Variants in ELP4 observed in about 807,000 individuals in gnomAD.
ELP4 encodes the protein elongator complex protein 4.
Under a neutral mutation model 48.9 loss-of-function variants are expected in ELP4, and 51 were observed. That is an observed-to-expected ratio of 1.04 (90% CI 0.83 to 1.32). The LOEUF is 1.32. Among genes scored for constraint, ELP4 ranks in the 40% most tolerant of loss-of-function variants. The pLI, the probability that ELP4 is intolerant of heterozygous loss-of-function variation, is 0.00. For missense variants in ELP4, 519 were observed against 514.6 expected (o/e 1.01, Z -0.08); for synonymous variants, 210 against 189.2 (o/e 1.11, Z -0.90).
chr11:31,678,495 ATGTGTGTGTGTGTGTGTGTGTG>A lies in ELP4; in HGVS notation c.1143+28300_1143+28321del, dbSNP rs71060498. ...TATTATTTATTGCATACATATATGTATGTGTGTGTGTGTGTGTGTGTGTGTGTGTGTGTGTGTGTGTGTGTGT... is the reference window on the plus strand; with the variant it reads ...TATTATTTATTGCATACATATATGTATGTGTGTGTGTGTGTGTGTGTGTGT... On this transcript the variant is annotated intron_variant, in intron 9 of 9. Coordinates refer to ENST00000640961, the MANE Select transcript of ELP4 (RefSeq NM_019040.5). Among the ~76,000 whole-genome samples, 8 of 137,514 alleles carry A rather than the reference ATGTGTGTGTGTGTGTGTGTGTG, an allele frequency of 5.8e-5. No individual in the cohort carries two copies. In the East Asian group the frequency reaches 1.0e-3, roughly 18 times the overall value. 90.2% of individuals were successfully genotyped at this position (137,514 alleles called of 152,430 possible).
chr11:31,539,449 G>A (rs1051341604), intron 2 of ELP4, among the ~76,000 whole-genome samples: 5 of 152,084 alleles, frequency 3.3e-5, no homozygotes, highest in Admixed American at 6.5e-5. Flanking sequence ...ACGAGACTCC[G>A]TCTCAAAAAA....
intron 6 of ELP4, among the ~76,000 whole-genome samples, chr11:31,629,026 A>G (rs1376990512): frequency 6.6e-6 from 1 of 152,050 alleles, no homozygotes; most frequent in Non-Finnish European, 1.5e-5. Flanking sequence ...GAGACAGCAT[A>G]TAGAAATAGA....
chr11:31,516,869 A>G (rs558424348), intron 1 of ELP4, among the ~76,000 whole-genome samples: 3 of 152,156 alleles, frequency 2.0e-5, no homozygotes, highest in Non-Finnish European at 2.9e-5. Flanking sequence ...AAGTTATCCT[A>G]TGTAGTCTGT....
At chr11:31,760,522 A>T (rs1025464146) in intron 9 of ELP4, among the ~76,000 whole-genome samples, 12 of 152,328 alleles carry the variant, frequency 7.9e-5, no homozygotes, top group South Asian at 2.1e-4. Context: ...AGATTTTTTT[A>T]AATGTATTAT....
intron 9 of ELP4, among the ~76,000 whole-genome samples, chr11:31,657,604 A>G (rs931162449): frequency 1.3e-5 from 2 of 151,972 alleles, no homozygotes; most frequent in Non-Finnish European, 1.5e-5. Context: ...TTTGGTATCT[A>G]CTTTGTTCTA....
chr11:31,758,670 C>CTTT (rs35783140), intron 9 of ELP4, among the ~76,000 whole-genome samples: 8 of 140,666 alleles, frequency 5.7e-5, no homozygotes, highest in Non-Finnish European at 1.1e-4. Context: ...GAGGGTGGAA[C>CTTT]TTTTTTTTTT....
At chr11:31,731,100 G>A (rs758434155) in intron 9 of ELP4, among the ~76,000 whole-genome samples, 4 of 152,170 alleles carry the variant, frequency 2.6e-5, no homozygotes, top group African/African-American at 4.8e-5. Flanking sequence ...GTCTTTCTCT[G>A]TACAAAGCCA....
intron 9 of ELP4, among the ~76,000 whole-genome samples, chr11:31,732,388 T>C (rs541127407): frequency 7.8e-4 from 118 of 151,986 alleles, no homozygotes; most frequent in Non-Finnish European, 1.3e-3. Context: ...TAAAATGTTT[T>C]GTGTTAGCCC....
intron 6 of ELP4, among the ~76,000 whole-genome samples, chr11:31,629,716 A>G (rs1012270820): frequency 1.3e-5 from 2 of 151,834 alleles, no homozygotes; most frequent in Non-Finnish European, 2.9e-5. Flanking sequence ...AGAGAAAACA[A>G]TATTATCCTG....
chr11:31,774,615 G>A (rs370803607), intron 9 of ELP4, among the ~76,000 whole-genome samples: 2 of 152,262 alleles, frequency 1.3e-5, no homozygotes, highest in East Asian at 3.9e-4. Context: ...TTTCTCTAAT[G>A]TTCCACATAG....
chr11:31,573,336 C>T (rs1418679305), intron 3 of ELP4, among the ~76,000 whole-genome samples: 5 of 152,166 alleles, frequency 3.3e-5, no homozygotes, highest in Admixed American at 3.3e-4. Flanking sequence ...CACTTCCACA[C>T]ATTTAGGTAT....
intron 9 of ELP4, among the ~76,000 whole-genome samples, chr11:31,685,891 A>G (rs1261858819): frequency 2.0e-5 from 3 of 151,584 alleles, no homozygotes; most frequent in Admixed American, 6.6e-5. Context: ...AGATCACGCC[A>G]CTGCACTCCA....
At chr11:31,776,708 CA>C (rs1948255924) in intron 9 of ELP4, among the ~76,000 whole-genome samples, 1 of 152,162 alleles carries the variant, frequency 6.6e-6, no homozygotes, top group East Asian at 1.9e-4. Context: ...AGCCAATGTG[CA>C]GTGTTCCAGT....
intron 9 of ELP4, among the ~76,000 whole-genome samples, chr11:31,691,600 A>G (rs1377834603): frequency 4.6e-5 from 7 of 152,084 alleles, no homozygotes; most frequent in Non-Finnish European, 7.4e-5. Context: ...AAAATAATCC[A>G]TGGTAAATTT....
intron 9 of ELP4, among the ~76,000 whole-genome samples, chr11:31,732,467 A>G (rs1477273736): frequency 3.1e-5 from 3 of 96,390 alleles, no homozygotes; most frequent in Admixed American, 1.1e-4. Context: ...AAAGCATGTC[A>G]CTAAAAAAAA....
At chr11:31,746,143 A>G (rs1947585061) in intron 9 of ELP4, among the ~76,000 whole-genome samples, 1 of 152,266 alleles carries the variant, frequency 6.6e-6, no homozygotes, top group South Asian at 2.1e-4. Flanking sequence ...AAAAATGCTC[A>G]TCATCACTGG....
intron 9 of ELP4, among the ~76,000 whole-genome samples, chr11:31,675,815 A>G (rs1289869337): frequency 1.3e-5 from 2 of 152,056 alleles, no homozygotes; most frequent in East Asian, 3.9e-4. Context: ...CCAACATTCA[A>G]TCTGACAGAA....
chr11:31,708,917 G>T (rs1946686562), intron 9 of ELP4, among the ~76,000 whole-genome samples: 1 of 152,056 alleles, frequency 6.6e-6, no homozygotes, highest in Non-Finnish European at 1.5e-5. Context: ...TAGTAAAAAT[G>T]TTATTTAATT....
At chr11:31,601,593 A>G (rs1957784203) in intron 4 of ELP4, among the ~76,000 whole-genome samples, 1 of 152,188 alleles carries the variant, frequency 6.6e-6, no homozygotes, top group Non-Finnish European at 1.5e-5. Context: ...AATTAGAAAC[A>G]TTAATAGAGA....
Sources: allele counts gnomAD v4.1 joint callset (sites outside exome capture counted in the v4.1 genomes callset), GRCh38; gene constraint gnomAD v4.1.1; transcripts MANE v1.5; gene names NCBI Gene and HGNC (gene_info 2026-07-23, HGNC 2026-07-21).